Variants in SHANK2 observed in about 807,000 individuals in gnomAD.
The protein encoded by SHANK2 is SH3 and multiple ankyrin repeat domains 2.
SHANK2 carries 43 observed loss-of-function variants against 133.7 expected under a neutral mutation model. That is an observed-to-expected ratio of 0.32 (90% CI 0.25 to 0.41). The LOEUF is 0.41. SHANK2 is among the 10% of genes least tolerant of loss of function. The pLI is 1.00. For missense variants in SHANK2, 1,994 were observed against 2,235.8 expected (o/e 0.89, Z 2.18); for synonymous variants, 1,017 against 952.8 (o/e 1.07, Z -1.24).
intron 21 of SHANK2, chr11:70,496,853 C>A: frequency 2.4e-6 from 1 of 412,484 alleles, no homozygotes; most frequent in South Asian, 1.8e-5. Flanking sequence ...TCCAGGAGAA[C>A]CACGAGGCGG....
At chr11:70,638,879 C>T (rs978479506) in intron 17 of SHANK2, among the ~76,000 whole-genome samples, 1 of 152,078 alleles carries the variant, frequency 6.6e-6, no homozygotes, top group Non-Finnish European at 1.5e-5. Flanking sequence ...TACCTGTAAT[C>T]CCAGCTACTT....
intron 17 of SHANK2, among the ~76,000 whole-genome samples, chr11:70,617,168 C>CTG (rs1193137823): frequency 1.3e-5 from 2 of 150,486 alleles, no homozygotes; most frequent in East Asian, 1.9e-4. Context: ...TGTGAGCTGT[C>CTG]TGTGTGTGTG....
intron 10 of SHANK2, among the ~76,000 whole-genome samples, chr11:70,925,580 G>A (rs186807973): frequency 9.2e-5 from 14 of 152,348 alleles, no homozygotes; most frequent in Admixed American, 2.6e-4. Flanking sequence ...TCATGCTTGT[G>A]TTAGGTTAAA....
intron 17 of SHANK2, among the ~76,000 whole-genome samples, chr11:70,541,945 C>A (rs2059627451): frequency 6.6e-6 from 1 of 152,216 alleles, no homozygotes; most frequent in Non-Finnish European, 1.5e-5. Flanking sequence ...CCAGAGAGCT[C>A]CTCACTCAGA....
chr11:70,584,444 C>T (rs2060222086), intron 17 of SHANK2, among the ~76,000 whole-genome samples: 1 of 152,092 alleles, frequency 6.6e-6, no homozygotes, highest in Admixed American at 6.5e-5. Context: ...TTTTCAAATG[C>T]TAACCAACTA....
At position 70,605,945 on chromosome 11, in the gene SHANK2, T is replaced by C. The variant is rs138904125; in HGVS notation, c.2061+53883A>G. Among the ~76,000 whole-genome samples the C allele has an allele frequency of 3.2e-3, 485 of 152,096 alleles. 2 individuals carry two copies. Among genetic ancestry groups the C allele is most frequent in the African/African-American group, 0.011 (465 of 41,482 alleles). On this transcript the variant is annotated intron_variant, in intron 17 of 25. Coordinates refer to ENST00000601538, the MANE Select transcript of SHANK2 (RefSeq NM_012309.5). The stretch of plus-strand genomic sequence containing the variant: ...AAATGACCCTTCTAGAACAACCTAT[T>C]ATTCCCCCCCCTCCTTGGGGTAAAA...
At chr11:70,530,720 C>T (rs2059456767) in intron 17 of SHANK2, among the ~76,000 whole-genome samples, 1 of 151,574 alleles carries the variant, frequency 6.6e-6, no homozygotes, top group Non-Finnish European at 1.5e-5. Context: ...AGTGGGTGCC[C>T]GGGGCTGGGA....
intron 17 of SHANK2, among the ~76,000 whole-genome samples, chr11:70,515,860 C>G (rs1434267912): frequency 6.6e-6 from 1 of 152,036 alleles, no homozygotes; most frequent in Non-Finnish European, 1.5e-5. Flanking sequence ...TTTTCAGGAA[C>G]TCTTATTTTG....
At chr11:70,679,367 C>G (rs1172894829) in intron 15 of SHANK2, among the ~76,000 whole-genome samples, 1 of 152,262 alleles carries the variant, frequency 6.6e-6, no homozygotes, top group Admixed American at 6.5e-5. Context: ...GTTCCCACCA[C>G]CAGCAGCCAG....
chr11:70,755,544 T>TCCCCAG (rs1403829422), intron 14 of SHANK2, among the ~76,000 whole-genome samples: 1 of 152,214 alleles, frequency 6.6e-6, no homozygotes, highest in Non-Finnish European at 1.5e-5. Context: ...TCCAGGCACG[T>TCCCCAG]CCCCAGCCCC....
chr11:70,740,367 C>T (rs1946498541), intron 14 of SHANK2, among the ~76,000 whole-genome samples: 3 of 152,318 alleles, frequency 2.0e-5, no homozygotes, highest in Admixed American at 2.0e-4. Context: ...ATGTGTTCGA[C>T]AAATAAATGC....
chr11:71,174,310 C>T (rs1279303555), intron 2 of SHANK2, among the ~76,000 whole-genome samples: 3 of 152,102 alleles, frequency 2.0e-5, no homozygotes, highest in South Asian at 2.1e-4. Context: ...GAGGCTGAGG[C>T]GGGAGGATCA....
intron 1 of SHANK2, among the ~76,000 whole-genome samples, chr11:71,233,776 A>G (rs1555123275): frequency 6.6e-6 from 1 of 152,192 alleles, no homozygotes; most frequent in African/African-American, 2.4e-5. Context: ...GGCCAGACAC[A>G]GTGGGTCATG....
rs2061490655 is a variant in SHANK2 at position 70,661,549 on chromosome 11, ACACAC to A, written c.1936+42_1936+46del. ...CACACACACACACACACACACACACACACACAAACATGGGAACATATTCAGGCTCA... is the reference window on the plus strand; with the variant it reads ...CACACACACACACACACACACACACAAAACATGGGAACATATTCAGGCTCA... On this transcript the variant is annotated intron_variant, in intron 16 of 25. Coordinates refer to ENST00000601538, the MANE Select transcript of SHANK2 (RefSeq NM_012309.5). 4.4e-6 allele frequency: 6 copies of A among 1,365,402 alleles called. No individual in the cohort carries two copies. The African/African-American group carries it at 4.4e-5, about 10-fold the overall frequency. The allele number at this position is 1,365,402 out of a possible 1,614,324, so 84.6% of individuals were successfully genotyped here. A position where few individuals can be genotyped will look rare whatever the true frequency, so the allele number is the denominator to read the frequency against.
At chr11:70,896,934 C>G (rs186359566) in intron 10 of SHANK2, among the ~76,000 whole-genome samples, 2 of 152,284 alleles carry the variant, frequency 1.3e-5, no homozygotes, top group East Asian at 1.9e-4. Flanking sequence ...GGTTCCAGCT[C>G]TGACACCCCG....
At chr11:70,810,238 C>T (rs1050165185) in intron 12 of SHANK2, among the ~76,000 whole-genome samples, 12 of 152,330 alleles carry the variant, frequency 7.9e-5, no homozygotes, top group Non-Finnish European at 1.2e-4. Context: ...GCAACAGCAG[C>T]GCTGGGCCAG....
At chr11:70,870,822 G>A (rs1949447063) in intron 11 of SHANK2, among the ~76,000 whole-genome samples, 1 of 152,174 alleles carries the variant, frequency 6.6e-6, no homozygotes, top group Non-Finnish European at 1.5e-5. Context: ...TGTCGCCCAG[G>A]CTGGAGTGCA....
intron 17 of SHANK2, among the ~76,000 whole-genome samples, chr11:70,560,009 T>A (rs2059886560): frequency 6.6e-6 from 1 of 152,082 alleles, no homozygotes; most frequent in Non-Finnish European, 1.5e-5. Context: ...GTAGCTGGGA[T>A]TACGGGCACA....
At chr11:70,497,399 T>TG (rs1259237140) in intron 21 of SHANK2, among the ~76,000 whole-genome samples, 2 of 152,258 alleles carry the variant, frequency 1.3e-5, no homozygotes, top group African/African-American at 4.8e-5. Context: ...ATCTGGCCCC[T>TG]GGCAGTCTTA....
Sources: allele counts gnomAD v4.1 joint callset (sites outside exome capture counted in the v4.1 genomes callset), GRCh38; gene constraint gnomAD v4.1.1; transcripts MANE v1.5; gene names NCBI Gene and HGNC (gene_info 2026-07-23, HGNC 2026-07-21).